The following SLC12A6 variants were observed in gnomAD, a reference collection of about 807,000 sequenced individuals.
SLC12A6 encodes the protein K-Cl cotransporter 3.
SLC12A6 carries 66 observed loss-of-function variants against 135.3 expected under a neutral mutation model. That is an observed-to-expected ratio of 0.49 (90% confidence interval 0.40 to 0.60). The LOEUF (loss-of-function observed/expected upper bound fraction) is 0.60, where lower values mean the gene tolerates loss of function less well. Among genes scored for constraint, SLC12A6 ranks in the 20% least tolerant of loss-of-function variants. The probability of loss-of-function intolerance (pLI) is 0.00; values close to 1 mark genes in which losing one functional copy is unlikely to be tolerated. For missense variants in SLC12A6, 1,058 were observed against 1,452.3 expected, an observed-to-expected ratio of 0.73 and a Z score of 4.41; for synonymous variants, 513 against 508.8, an observed-to-expected ratio of 1.01 and a Z score of -0.11.
intron 4 of SLC12A6, among the ~76,000 whole-genome samples, chr15:34,260,519 A>G (rs1217144394): frequency 6.6e-6 from 1 of 152,180 alleles, no homozygotes; most frequent in Non-Finnish European, 1.5e-5. Flanking sequence ...CGGCCTCCCA[A>G]AGTGCTGGGA....
rs148298170 is a variant in SLC12A6 at position 34,318,760 on chromosome 15, G to A, written c.271+17650C>T. On this transcript the variant is annotated intron_variant, in intron 2 of 25. Coordinates refer to ENST00000354181, the MANE Select transcript of SLC12A6 (RefSeq NM_001365088.1). The stretch of plus-strand genomic sequence containing the variant: ...TTTCCCTGCCTACCTCTTCCTTGCT[G>A]TCGTTTCAGACTGTGATCCCTGCCT... The A allele has an allele frequency of 2.1e-4, 335 of 1,599,968 alleles. No individual in the cohort carries two copies. The African/African-American group carries it at 4.2e-3, about 20-fold the overall frequency.
intron 13 of SLC12A6, among the ~76,000 whole-genome samples, chr15:34,248,569 CA>C (rs879871964): frequency 0.099 from 600 of 6,064 alleles, 1 homozygote; most frequent in East Asian, 0.25. Flanking sequence ...CACCCCCACC[CA>C]CACACACACA....
rs1595420122 is a variant in SLC12A6 at position 34,246,006 on chromosome 15, C to T, written c.1650-139G>A. On this transcript the variant is annotated intron_variant, in intron 13 of 25. Coordinates refer to ENST00000354181, the MANE Select transcript of SLC12A6 (RefSeq NM_001365088.1). Reference sequence around the variant, plus strand: ...AGAGTGCAGTGGTGTGATCTTGGCTCACTCCAAACTCCGCCCCCCAAGTTC... The same window carrying T: ...AGAGTGCAGTGGTGTGATCTTGGCTTACTCCAAACTCCGCCCCCCAAGTTC... The T allele has an allele frequency of 6.8e-6, 5 of 734,126 alleles. No individual in the cohort carries two copies. The East Asian group carries it at 1.3e-4, about 20-fold the overall frequency. The allele number at this position is 734,126 out of a possible 1,614,324, so 45.5% of individuals were successfully genotyped here. A position where few individuals can be genotyped will look rare whatever the true frequency, so the allele number is the denominator to read the frequency against.
chr15:34,271,360 AAG>A (rs1893924972), intron 3 of SLC12A6, among the ~76,000 whole-genome samples: 1 of 144,138 alleles, frequency 6.9e-6, no homozygotes, highest in Non-Finnish European at 1.5e-5. Context: ...GTTCCTAAGT[AAG>A]GTTGGCCTAT....
chr15:34,338,055 AG>A (rs1478100216), upstream of SLC12A6: 1 of 151,958 alleles, frequency 6.6e-6, no homozygotes, highest in Non-Finnish European at 1.5e-5. Flanking sequence ...GCGGTGACCG[AG>A]TGCAGCGCGC....
chr15:34,272,906 A>G (rs1197762323), intron 3 of SLC12A6, among the ~76,000 whole-genome samples: 1 of 152,252 alleles, frequency 6.6e-6, no homozygotes, highest in African/African-American at 2.4e-5. Flanking sequence ...TATCAGGGAC[A>G]GAAACACTTT....
chr15:34,255,847 T>G (rs1892719689), intron 7 of SLC12A6, among the ~76,000 whole-genome samples: 1 of 151,664 alleles, frequency 6.6e-6, no homozygotes, highest in Non-Finnish European at 1.5e-5. Flanking sequence ...TGTACACCTC[T>G]AGTTCCAGCT....
intron 2 of SLC12A6, among the ~76,000 whole-genome samples, chr15:34,285,897 A>G (rs183111952): frequency 2.0e-5 from 3 of 152,162 alleles, no homozygotes; most frequent in Non-Finnish European, 2.9e-5. Flanking sequence ...TAGAAACAGA[A>G]AACAGAATGG....
At chr15:34,318,857 G>C in intron 2 of SLC12A6, 1 of 1,456,358 alleles carries the variant, frequency 6.9e-7, no homozygotes, top group Non-Finnish European at 9.1e-7. Flanking sequence ...GGAGTGGGGC[G>C]CTTGAAGACA....
At chr15:34,245,890 A>G (rs1346634532) in intron 13 of SLC12A6, 23 bp from the exon 14 acceptor site, 1 of 1,589,018 alleles carries the variant, frequency 6.3e-7, no homozygotes, top group African/African-American at 1.3e-5. Context: ...TAGGAGTGGG[A>G]AATTTAATCT....
rs201684992 is a variant in SLC12A6 at position 34,336,441 on chromosome 15, G to A, written c.240C>T (p.Asp80=). 2.4e-5 allele frequency: 38 copies of A among 1,613,808 alleles called. No homozygotes were observed. In the South Asian group the frequency reaches 3.5e-4, roughly 15 times the overall value. The change falls in exon 2 of 26, where the codon GAC becomes GAT. Residue 80 remains aspartate, a synonymous_variant. Coordinates refer to ENST00000354181, the MANE Select transcript of SLC12A6 (RefSeq NM_001365088.1). ...TGACATCCTGGGGGTGAGAAGTCCG[G>A]TCACTGGGTGGATCCAGTGCAACAG... The part of the protein sequence containing the change: ...LATVALDPPS[D]RTSHPQDVIE...
intron 2 of SLC12A6, among the ~76,000 whole-genome samples, chr15:34,335,508 GATTAC>G (rs1890138865): frequency 6.6e-6 from 1 of 152,186 alleles, no homozygotes; most frequent in Non-Finnish European, 1.5e-5. Context: ...ATCATTAAAA[GATTAC>G]ATTAGTTACA....
chr15:34,237,342 A>C, intron 22 of SLC12A6, 77 bp downstream of exon 22: 5 of 1,433,666 alleles, frequency 3.5e-6, no homozygotes, highest in Non-Finnish European at 4.9e-6. Flanking sequence ...AAATTTCCCA[A>C]ACCAGAAAAG....
intron 2 of SLC12A6, among the ~76,000 whole-genome samples, chr15:34,333,212 C>G (rs547115314): frequency 1.3e-5 from 2 of 151,476 alleles, no homozygotes; most frequent in Admixed American, 1.3e-4. Flanking sequence ...GAAAATTCCA[C>G]TCTATTTTTT....
chr15:34,240,591 T>A, intron 19 of SLC12A6, 70 bp downstream of exon 19: 1 of 1,286,492 alleles, frequency 7.8e-7, no homozygotes, highest in Non-Finnish European at 1.1e-6. Flanking sequence ...AAGTAGAAGT[T>A]TGAGGTCTTA....
intron 2 of SLC12A6, among the ~76,000 whole-genome samples, chr15:34,328,892 C>T (rs748093618): frequency 5.3e-5 from 8 of 152,122 alleles, no homozygotes; most frequent in Non-Finnish European, 1.0e-4. Context: ...CAGAGCTAGA[C>T]CCTGTCTCAA....
chr15:34,233,629 T>C lies in SLC12A6; in HGVS notation c.*252A>G, dbSNP rs1362186037. The C allele has an allele frequency of 2.3e-6, 1 of 439,408 alleles. No individual in the cohort carries two copies. Among genetic ancestry groups the C allele is most frequent in the Non-Finnish European group, 4.2e-6 (1 of 238,642 alleles). The allele number at this position is 439,408 out of a possible 1,614,324, so 27.2% of individuals were successfully genotyped here. On this transcript the variant is annotated 3_prime_UTR_variant, in exon 26 of 26. Coordinates refer to ENST00000354181, the MANE Select transcript of SLC12A6 (RefSeq NM_001365088.1). ...TTGTTAATTCTAATTTGCCTTTGAC[T>C]GCTCAGACGTGGCTTGAAAGACTTG... is the stretch of plus-strand genomic sequence containing the variant.
At chr15:34,305,451 G>A (rs559775355) in intron 2 of SLC12A6, among the ~76,000 whole-genome samples, 1 of 147,826 alleles carries the variant, frequency 6.8e-6, no homozygotes, top group East Asian at 2.0e-4. Flanking sequence ...TGATCTTCCA[G>A]GTCAATAATT....
rs6495640 is a variant in SLC12A6 at position 34,232,389 on chromosome 15, A to G, written c.*1492T>C. ...ATCACAGGCATGCACCACCATGCCC[A>G]GCTAATTTTTGTATTTTTAGTATAG... On this transcript the variant is annotated 3_prime_UTR_variant, in exon 26 of 26. Coordinates refer to ENST00000354181, the MANE Select transcript of SLC12A6 (RefSeq NM_001365088.1). 145,213 of 152,196 alleles carry G rather than the reference A, an allele frequency of 0.95. 69,663 individuals are homozygous for G. The highest frequency in any genetic ancestry group is 1 in the East Asian group (5,162 of 5,162). The allele number at this position is 152,196 out of a possible 1,614,324, so 9.4% of individuals were successfully genotyped here.
Sources: allele counts gnomAD v4.1 joint callset (sites outside exome capture counted in the v4.1 genomes callset), GRCh38; gene constraint gnomAD v4.1.1; transcripts MANE v1.5; gene names NCBI Gene and HGNC (gene_info 2026-07-23, HGNC 2026-07-21).